The following PIK3C2G variants were observed in gnomAD, a reference collection of about 807,000 sequenced individuals.
PIK3C2G encodes the protein phosphatidylinositol 3-kinase C2 domain-containing subunit gamma.
In PIK3C2G, 168 loss-of-function variants were observed where a neutral mutation model predicts 181.1. That is an observed-to-expected ratio of 0.93 (90% confidence interval 0.82 to 1.05). The LOEUF (loss-of-function observed/expected upper bound fraction) is 1.05. Ranked by LOEUF, PIK3C2G falls within the 50% of genes least tolerant of loss-of-function variation. PIK3C2G has a pLI of 0.00. For synonymous variants in PIK3C2G, 573 were observed against 592.2 expected (o/e 0.97, Z 0.47); for missense variants, 1,869 against 1,732.8 (o/e 1.08, Z -1.40).
At chr12:18,662,907 T>C in the PIK3C2G span, among the ~76,000 whole-genome samples, 2 of 151,926 alleles carry the variant, frequency 1.3e-5, no homozygotes, top group Admixed American at 1.3e-4. Flanking sequence ...AAACATCAAC[T>C]AAACACAAAA....
At chr12:18,326,135 T>C (rs1951337279) in intron 8 of PIK3C2G, among the ~76,000 whole-genome samples, 1 of 152,204 alleles carries the variant, frequency 6.6e-6, no homozygotes, top group East Asian at 1.9e-4. Flanking sequence ...TGACTGACTC[T>C]GTGGAGACAT....
Position 18,325,046 on chromosome 12 carries a change from T to A in PIK3C2G, c.1220T>A (p.Leu407Ter). Reference protein sequence around the residue: ...HIWKVSRQCLLTLIRKYDFHL... With the variant: ...HIWKVSRQCL ...TTTTTATTTTCCAGACAATGTCTCT[T>A]AACACTCATCAGAAAATATGACTTC... Residue 407 changes from leucine (L) to a stop codon, truncating the protein, a stop_gained, in exon 8 of 33, where the codon TTA becomes TAA. Coordinates refer to ENST00000538779, the MANE Select transcript of PIK3C2G (RefSeq NM_001288772.2). LOFTEE classifies it high-confidence loss of function. 6.4e-7 allele frequency: 1 copy of A among 1,561,516 alleles called. No individual in the cohort carries two copies. Among genetic ancestry groups the A allele is most frequent in the Non-Finnish European group, 8.8e-7 (1 of 1,137,268 alleles).
the PIK3C2G span, chr12:18,714,750 G>T: frequency 6.6e-6 from 1 of 152,172 alleles, no homozygotes; most frequent in East Asian, 1.9e-4. Flanking sequence ...TGCCACAACT[G>T]GAGATAGGGA....
At chr12:18,359,844 A>C (rs573099076) in intron 11 of PIK3C2G, among the ~76,000 whole-genome samples, 1 of 152,132 alleles carries the variant, frequency 6.6e-6, no homozygotes, top group Non-Finnish European at 1.5e-5. Flanking sequence ...GTGTCCTTAA[A>C]TCTACATTGA....
intron 16 of PIK3C2G, among the ~76,000 whole-genome samples, chr12:18,404,545 A>C (rs542745659): frequency 6.6e-6 from 1 of 152,244 alleles, no homozygotes; most frequent in Non-Finnish European, 1.5e-5. Flanking sequence ...AAAAGTTCAC[A>C]AAGAAATTGG....
chr12:18,539,896 T>C (rs141158688), intron 25 of PIK3C2G, among the ~76,000 whole-genome samples: 1 of 151,894 alleles, frequency 6.6e-6, no homozygotes, highest in Non-Finnish European at 1.5e-5. Context: ...TTTTCAGTAA[T>C]AGCCAAGGAT....
At chr12:18,677,158 A>G in the PIK3C2G span, among the ~76,000 whole-genome samples, 2 of 152,128 alleles carry the variant, frequency 1.3e-5, no homozygotes, top group Non-Finnish European at 2.9e-5. Flanking sequence ...AACACAAGAT[A>G]CTGTCATATT....
the PIK3C2G span, among the ~76,000 whole-genome samples, chr12:18,700,538 A>AAAAAAAAAAAG: frequency 6.6e-5 from 9 of 135,918 alleles, no homozygotes; most frequent in Non-Finnish European, 6.2e-5. Context: ...AAAAAAAAAT[A>AAAAAAAAAAAG]GTTGCTCTGC....
intron 10 of PIK3C2G, among the ~76,000 whole-genome samples, chr12:18,345,510 C>T (rs1036134606): frequency 1.3e-5 from 2 of 152,122 alleles, no homozygotes; most frequent in African/African-American, 2.4e-5. Flanking sequence ...TATAGACAGA[C>T]GTACTGAGGC....
intron 7 of PIK3C2G, among the ~76,000 whole-genome samples, chr12:18,323,151 C>T (rs1240583196): frequency 6.6e-6 from 1 of 152,112 alleles, no homozygotes; most frequent in Non-Finnish European, 1.5e-5. Context: ...CCATTGCCTG[C>T]CCCCTAGCAG....
chr12:18,430,009 C>T (rs1946065720), intron 18 of PIK3C2G, among the ~76,000 whole-genome samples: 1 of 152,190 alleles, frequency 6.6e-6, no homozygotes, highest in South Asian at 2.1e-4. Flanking sequence ...GACCCGAGAT[C>T]TCATCCTTGT....
At chr12:18,439,577 C>T (rs972864009) in intron 18 of PIK3C2G, among the ~76,000 whole-genome samples, 5 of 148,742 alleles carry the variant, frequency 3.4e-5, no homozygotes, top group East Asian at 3.9e-4. Flanking sequence ...CTTTCTGAGC[C>T]ACTCATGTAT....
intron 31 of PIK3C2G, among the ~76,000 whole-genome samples, chr12:18,619,560 T>C (rs184206564): frequency 2.2e-4 from 34 of 152,238 alleles, no homozygotes; most frequent in African/African-American, 7.9e-4. Context: ...TGGTATGGTA[T>C]ATTTTCATTT....
At chr12:18,475,154 T>C (rs1479966715) in intron 18 of PIK3C2G, among the ~76,000 whole-genome samples, 1 of 152,082 alleles carries the variant, frequency 6.6e-6, no homozygotes, top group East Asian at 1.9e-4. Context: ...TATAGGCTAA[T>C]TTAACTTTGG....
At chr12:18,613,959 CAT>C (rs769318949) in intron 31 of PIK3C2G, among the ~76,000 whole-genome samples, 3 of 152,068 alleles carry the variant, frequency 2.0e-5, no homozygotes, top group Non-Finnish European at 2.9e-5. Context: ...CAATGTTTGA[CAT>C]ATAAAAACAA....
At chr12:18,501,207 A>T (rs1941453099) in intron 22 of PIK3C2G, among the ~76,000 whole-genome samples, 2 of 152,188 alleles carry the variant, frequency 1.3e-5, no homozygotes, top group African/African-American at 4.8e-5. Flanking sequence ...TAAAGGAAAG[A>T]GGTTAAATGG....
At chr12:18,650,347 A>ATATGTG (rs1349566559), downstream of PIK3C2G, among the ~76,000 whole-genome samples, 2 of 114,544 alleles carry the variant, frequency 1.7e-5, no homozygotes, top group Non-Finnish European at 3.7e-5. Flanking sequence ...ATATATATAT[A>ATATGTG]TGTGTGTGTG....
chr12:18,501,808 G>A (rs905815312), intron 22 of PIK3C2G, among the ~76,000 whole-genome samples: 12 of 152,160 alleles, frequency 7.9e-5, no homozygotes, highest in African/African-American at 2.9e-4. Context: ...CTAGATCAAC[G>A]TAGTTGGAAA....
intron 14 of PIK3C2G, among the ~76,000 whole-genome samples, chr12:18,384,639 C>T (rs1943054116): frequency 6.6e-6 from 1 of 152,084 alleles, no homozygotes; most frequent in African/African-American, 2.4e-5. Context: ...ATCCTTGATT[C>T]TTCTCAGATG....
Sources: allele counts gnomAD v4.1 joint callset (sites outside exome capture counted in the v4.1 genomes callset), GRCh38; gene constraint gnomAD v4.1.1; transcripts MANE v1.5; gene names NCBI Gene and HGNC (gene_info 2026-07-23, HGNC 2026-07-21).